The following NEGR1 variants were observed in gnomAD, a reference collection of about 807,000 sequenced individuals.
The protein encoded by NEGR1 is IgLON family member 4.
NEGR1 carries 10 observed loss-of-function variants against 40.9 expected under a neutral mutation model. The ratio of observed to expected loss-of-function variants is 0.24; its 90% CI spans 0.15 to 0.42. The LOEUF (loss-of-function observed/expected upper bound fraction) is 0.42. Among genes scored for constraint, NEGR1 ranks in the 10% least tolerant of loss-of-function variants. The probability of loss-of-function intolerance (pLI) is 1.00; values close to 1 mark genes in which losing one functional copy is unlikely to be tolerated. For missense variants in NEGR1, 352 were observed against 438.9 expected (o/e 0.80, Z 1.77); for synonymous variants, 185 against 166.8 (o/e 1.11, Z -0.84).
intron 2 of NEGR1, among the ~76,000 whole-genome samples, chr1:71,915,104 T>A (rs1329427570): frequency 6.6e-6 from 1 of 152,198 alleles, no homozygotes; most frequent in African/African-American, 2.4e-5. Context: ...GAAGTCCTTT[T>A]TTTTTAATGT....
At chr1:72,089,412 A>G (rs1007149576) in intron 1 of NEGR1, among the ~76,000 whole-genome samples, 8 of 152,214 alleles carry the variant, frequency 5.3e-5, no homozygotes, top group Admixed American at 3.3e-4. Flanking sequence ...ATTTTTAGCT[A>G]ATAATTTTTT....
At chr1:71,465,990 T>C (rs947424401) in intron 6 of NEGR1, among the ~76,000 whole-genome samples, 6 of 152,060 alleles carry the variant, frequency 3.9e-5, no homozygotes, top group African/African-American at 1.4e-4. Flanking sequence ...ATGTATTCTC[T>C]AATGGTTAAT....
intron 2 of NEGR1, among the ~76,000 whole-genome samples, chr1:71,884,988 C>T (rs568175530): frequency 1.3e-5 from 2 of 152,310 alleles, no homozygotes; most frequent in East Asian, 3.9e-4. Flanking sequence ...TGTTCATAAA[C>T]CTCAGAATGG....
chr1:71,431,716 TAAAC>T (rs1034504236), intron 6 of NEGR1, among the ~76,000 whole-genome samples: 3 of 151,974 alleles, frequency 2.0e-5, no homozygotes, highest in Non-Finnish European at 2.9e-5. Context: ...GGCAAACAAA[TAAAC>T]AAATAAAACA....
intron 3 of NEGR1, among the ~76,000 whole-genome samples, chr1:71,772,574 A>C (rs1309571921): frequency 1.3e-5 from 2 of 152,246 alleles, no homozygotes; most frequent in African/African-American, 2.4e-5. Context: ...CTATAAAAAA[A>C]CTATTGTATT....
chr1:71,995,885 A>C (rs1646499996), intron 1 of NEGR1, among the ~76,000 whole-genome samples: 2 of 152,172 alleles, frequency 1.3e-5, no homozygotes, highest in African/African-American at 4.8e-5. Context: ...ATGAAATTCT[A>C]AAAAATTACT....
intron 6 of NEGR1, among the ~76,000 whole-genome samples, chr1:71,424,617 C>A (rs1646418167): frequency 6.6e-6 from 1 of 152,194 alleles, no homozygotes; most frequent in Non-Finnish European, 1.5e-5. Context: ...TAAAAGCAGG[C>A]AGTTTTCTCC....
intron 1 of NEGR1, among the ~76,000 whole-genome samples, chr1:72,277,601 G>T (rs930458524): frequency 6.6e-6 from 1 of 151,938 alleles, no homozygotes; most frequent in African/African-American, 2.4e-5. Flanking sequence ...AATCAATATA[G>T]GTAACATTTA....
At chr1:71,959,633 A>G (rs563177952) in intron 1 of NEGR1, among the ~76,000 whole-genome samples, 5 of 152,136 alleles carry the variant, frequency 3.3e-5, no homozygotes, top group Non-Finnish European at 7.4e-5. Context: ...TTAATCTTCA[A>G]TTTCATCATC....
intron 1 of NEGR1, among the ~76,000 whole-genome samples, chr1:72,026,738 G>A (rs1371413878): frequency 2.6e-5 from 4 of 151,846 alleles, no homozygotes; most frequent in African/African-American, 9.7e-5. Context: ...GGTTTATGCT[G>A]TTTACAAACT....
At chr1:71,449,092 T>C (rs890660014) in intron 6 of NEGR1, among the ~76,000 whole-genome samples, 2 of 152,146 alleles carry the variant, frequency 1.3e-5, no homozygotes, top group South Asian at 2.1e-4. Flanking sequence ...TAGGAAGTAA[T>C]AGATACTTCC....
At chr1:71,907,915 A>G (rs1349147795) in intron 2 of NEGR1, among the ~76,000 whole-genome samples, 1 of 152,170 alleles carries the variant, frequency 6.6e-6, no homozygotes, top group African/African-American at 2.4e-5. Flanking sequence ...AAAACCAAGT[A>G]CTACATGTTC....
chr1:72,070,877 T>G (rs1361998349), intron 1 of NEGR1, among the ~76,000 whole-genome samples: 1 of 152,120 alleles, frequency 6.6e-6, no homozygotes, highest in East Asian at 1.9e-4. Flanking sequence ...TGGTTTATAA[T>G]AAAGGTATTA....
chr1:72,236,438 AG>A (rs1234933972), intron 1 of NEGR1, among the ~76,000 whole-genome samples: 4 of 142,058 alleles, frequency 2.8e-5, no homozygotes, highest in African/African-American at 1.2e-4. Context: ...AATAAAAAAA[AG>A]AAGAAGAAGA....
chr1:71,566,632 A>G (rs1188096677), intron 6 of NEGR1, among the ~76,000 whole-genome samples: 11 of 152,180 alleles, frequency 7.2e-5, no homozygotes, highest in African/African-American at 2.2e-4. Context: ...ATTTTCCTGT[A>G]AAGGGCCAGA....
At chr1:71,453,085 T>C (rs998975039) in intron 6 of NEGR1, among the ~76,000 whole-genome samples, 7 of 152,142 alleles carry the variant, frequency 4.6e-5, no homozygotes, top group African/African-American at 1.7e-4. Context: ...ATAGCATCTT[T>C]CATGCTCCAA....
intron 6 of NEGR1, among the ~76,000 whole-genome samples, chr1:71,506,820 A>T (rs1247807144): frequency 6.6e-6 from 1 of 152,152 alleles, no homozygotes; most frequent in Non-Finnish European, 1.5e-5. Context: ...AACAAAAACA[A>T]AAAAAACCAT....
intron 1 of NEGR1, among the ~76,000 whole-genome samples, chr1:72,254,453 A>C (rs893239195): frequency 3.3e-5 from 5 of 152,162 alleles, no homozygotes; most frequent in Non-Finnish European, 7.4e-5. Flanking sequence ...CTGTGATCCC[A>C]GCACTTTAGG....
At chr1:71,778,753 G>T (rs1317753275) in intron 2 of NEGR1, among the ~76,000 whole-genome samples, 1 of 152,142 alleles carries the variant, frequency 6.6e-6, no homozygotes, top group Non-Finnish European at 1.5e-5. Flanking sequence ...ATAAGAACAT[G>T]AATTCCATCC....
Sources: allele counts gnomAD v4.1 joint callset (sites outside exome capture counted in the v4.1 genomes callset), GRCh38; gene constraint gnomAD v4.1.1; transcripts MANE v1.5; gene names NCBI Gene and HGNC (gene_info 2026-07-23, HGNC 2026-07-21).